Variants in IFFO2 observed in about 807,000 individuals in gnomAD.
IFFO2 encodes the protein intermediate filament family orphan 2.
Under a neutral mutation model 53.5 loss-of-function variants are expected in IFFO2, and 19 were observed. The observed-to-expected ratio is 0.36, with a 90% CI of 0.25 to 0.52. The LOEUF (loss-of-function observed/expected upper bound fraction) is 0.52. IFFO2 is among the 20% of genes least tolerant of loss of function. IFFO2 has a pLI of 0.94. For missense variants in IFFO2, 570 were observed against 727.4 expected, an observed-to-expected ratio of 0.78 and a Z score of 2.49; for synonymous variants, 303 against 313.6, an observed-to-expected ratio of 0.97 and a Z score of 0.36.
chr1:18,946,211 G>A (rs746551005), intron 1 of IFFO2, among the ~76,000 whole-genome samples: 8 of 152,094 alleles, frequency 5.3e-5, no homozygotes, highest in Non-Finnish European at 1.2e-4. Context: ...TTTACAAAGT[G>A]CTCCACGGGT....
intron 5 of IFFO2, among the ~76,000 whole-genome samples, chr1:18,913,158 G>A (rs1283590795): frequency 6.6e-6 from 1 of 152,252 alleles, no homozygotes; most frequent in Admixed American, 6.5e-5. Flanking sequence ...GGACTGGGTT[G>A]GGGACTGGGC....
chr1:18,933,993 G>A (rs1936412589), intron 1 of IFFO2, among the ~76,000 whole-genome samples: 1 of 147,120 alleles, frequency 6.8e-6, no homozygotes, highest in African/African-American at 2.5e-5. Context: ...CGACTTCTGG[G>A]TACTTTGTAT....
intron 1 of IFFO2, among the ~76,000 whole-genome samples, chr1:18,925,333 T>G (rs1474698404): frequency 2.6e-5 from 4 of 152,064 alleles, no homozygotes; most frequent in Admixed American, 2.6e-4. Context: ...CACATCCACT[T>G]CCATTGTTTG....
chr1:18,940,576 G>GATGC (rs1336403034), intron 1 of IFFO2, among the ~76,000 whole-genome samples: 1 of 151,568 alleles, frequency 6.6e-6, no homozygotes, highest in Non-Finnish European at 1.5e-5. Context: ...TGGATGGATG[G>GATGC]ATGGATGGAT....
chr1:18,913,687 A>G (rs1936079395), intron 5 of IFFO2, among the ~76,000 whole-genome samples: 2 of 152,180 alleles, frequency 1.3e-5, no homozygotes, highest in African/African-American at 4.8e-5. Flanking sequence ...GGTCCTGCCC[A>G]CAGCTGGTGG....
chr1:18,925,158 C>T (rs115171956), intron 1 of IFFO2, among the ~76,000 whole-genome samples: 492 of 152,242 alleles, frequency 3.2e-3, no homozygotes, highest in Non-Finnish European at 5.4e-3. Context: ...TCATACTTCC[C>T]TCTATAAAAT....
chr1:18,950,407 ACCTTAAC>A (rs1936645211), intron 1 of IFFO2, among the ~76,000 whole-genome samples: 2 of 152,168 alleles, frequency 1.3e-5, no homozygotes, highest in Non-Finnish European at 2.9e-5. Flanking sequence ...AGCCCCAGGT[ACCTTAAC>A]ACCAGACCTC....
chr1:18,945,627 C>T (rs1936576987), intron 1 of IFFO2, among the ~76,000 whole-genome samples: 1 of 152,234 alleles, frequency 6.6e-6, no homozygotes, highest in Admixed American at 6.5e-5. Flanking sequence ...ATCCCAGAGT[C>T]GGAGCACGCA....
intron 5 of IFFO2, among the ~76,000 whole-genome samples, chr1:18,913,253 C>T (rs1936067191): frequency 1.3e-5 from 2 of 152,250 alleles, no homozygotes; most frequent in Non-Finnish European, 2.9e-5. Flanking sequence ...AAAAGCCATT[C>T]CCACAGGAGC....
chr1:18,922,227 C>T (rs1936225828), intron 1 of IFFO2, among the ~76,000 whole-genome samples: 1 of 152,180 alleles, frequency 6.6e-6, no homozygotes, highest in South Asian at 2.1e-4. Flanking sequence ...AAGGCCCTAA[C>T]CCAGCTCCTC....
At position 18,906,908 on chromosome 1, in the gene IFFO2, T is replaced by G. The variant is rs1339945180; in HGVS notation, c.*1653A>C. The G allele has an allele frequency of 7.1e-6, 1 of 141,780 alleles. No homozygotes were observed. Among genetic ancestry groups the G allele is most frequent in the Non-Finnish European group, 1.5e-5 (1 of 66,974 alleles). 8.8% of individuals were successfully genotyped at this position (141,780 alleles called of 1,614,324 possible). ...TAGTCACTAACACATTCTCACGCTC[T>G]CTCTCTCTCTCTACATATATCTTTT... On this transcript the variant is annotated 3_prime_UTR_variant, in exon 9 of 9. Transcript: ENST00000455833.
At chr1:18,914,918 C>T (rs1178708152) in intron 5 of IFFO2, among the ~76,000 whole-genome samples, 5 of 151,822 alleles carry the variant, frequency 3.3e-5, no homozygotes, top group African/African-American at 1.2e-4. Context: ...CTAGGGGTCT[C>T]CTTATCACCC....
At chr1:18,941,204 CAG>C (rs373792195) in intron 1 of IFFO2, among the ~76,000 whole-genome samples, 6 of 152,354 alleles carry the variant, frequency 3.9e-5, no homozygotes, top group Middle Eastern at 3.4e-3. Context: ...AGTGGGCATA[CAG>C]AGTGCTCTCG....
chr1:18,921,343 A>G (rs1936213619), intron 1 of IFFO2, among the ~76,000 whole-genome samples: 1 of 152,240 alleles, frequency 6.6e-6, no homozygotes, highest in South Asian at 2.1e-4. Context: ...GGTGGTGGTG[A>G]CAAGTGCCAC....
intron 1 of IFFO2, among the ~76,000 whole-genome samples, chr1:18,944,488 T>C: frequency 6.6e-6 from 1 of 152,078 alleles, no homozygotes. Flanking sequence ...ATGGGGAGGC[T>C]GAGGGTCTCC....
At position 18,955,781 on chromosome 1, in the gene IFFO2, C is replaced by A. The variant is rs937659143; in HGVS notation, c.552G>T (p.Ser184=). 1.3e-6 allele frequency: 2 copies of A among 1,550,856 alleles called. No homozygotes were observed. The highest frequency in any genetic ancestry group is 8.7e-7 in the Non-Finnish European group (1 of 1,154,572). Residue 184 remains serine (S), a synonymous_variant, in exon 1 of 9, where the codon TCG becomes TCT. Transcript: ENST00000455833. ...CGCCCACGCCGTCGGGGTGCACCCACGACACGCCGGGGCCCTGCACGGTCT... is the reference window on the plus strand; with the variant it reads ...CGCCCACGCCGTCGGGGTGCACCCAAGACACGCCGGGGCCCTGCACGGTCT... ...GVETVQGPGV[S]WVHPDGVGVQ...
chr1:18,931,814 G>A (rs1051341675), intron 1 of IFFO2, among the ~76,000 whole-genome samples: 2 of 152,048 alleles, frequency 1.3e-5, no homozygotes, highest in South Asian at 2.1e-4. Flanking sequence ...GTGTCTCGTC[G>A]GCTCCATAAG....
chr1:18,948,005 G>T (rs1936611938), intron 1 of IFFO2, among the ~76,000 whole-genome samples: 1 of 152,186 alleles, frequency 6.6e-6, no homozygotes, highest in Admixed American at 6.5e-5. Flanking sequence ...CTCGTGGCGA[G>T]ATCTGGGACA....
In IFFO2 at chr1:18,947,616, G is replaced by A. The variant is rs1259835389; in HGVS notation, c.665+8052C>T. Reference sequence around the variant, plus strand: ...TGAGACCGCGTGGAAATCACCAGACGGGTCATAATATGTGTTCCCTGTTCC... The same window carrying A: ...TGAGACCGCGTGGAAATCACCAGACAGGTCATAATATGTGTTCCCTGTTCC... On this transcript the variant is annotated intron_variant, in intron 1 of 8. Coordinates refer to ENST00000455833, the MANE Select transcript of IFFO2 (RefSeq NM_001136265.2). This position sits in a 1 kb window ranked among gnomAD's most constrained non-coding sequence, Gnocchi z 5.0. 1.3e-5 allele frequency among the ~76,000 whole-genome samples: 2 copies of A among 152,074 alleles called. No homozygotes were observed. The highest frequency in any genetic ancestry group is 4.8e-5 in the African/African-American group (2 of 41,390).
Sources: gnomAD v4.1 joint callset for allele counts (sites outside exome capture counted in the v4.1 genomes callset) on GRCh38, gnomAD v4.1.1 for gene constraint, Gnocchi (gnomAD v3.1) non-coding constraint, MANE v1.5 for transcripts, NCBI Gene and HGNC (gene_info 2026-07-23, HGNC 2026-07-21) for gene names.